The following COG5 variants were observed in gnomAD, a reference collection of about 807,000 sequenced individuals.
COG5 encodes the protein conserved oligomeric Golgi complex subunit 5.
COG5 carries 86 observed loss-of-function variants against 110.4 expected under a neutral mutation model. That is an observed-to-expected ratio of 0.78 (90% confidence interval 0.65 to 0.93). The LOEUF (loss-of-function observed/expected upper bound fraction) is 0.93, where lower values mean the gene tolerates loss of function less well. Among genes scored for constraint, COG5 ranks in the 40% least tolerant of loss-of-function variants. COG5 has a pLI of 0.00. For synonymous variants in COG5, 360 were observed against 334.6 expected (o/e 1.08, Z -0.83); for missense variants, 1,077 against 987.0 (o/e 1.09, Z -1.22).
At chr7:107,356,117 T>C (rs1812604890) in intron 10 of COG5, among the ~76,000 whole-genome samples, 2 of 152,190 alleles carry the variant, frequency 1.3e-5, no homozygotes, top group African/African-American at 4.8e-5. Context: ...AGGACAATAA[T>C]TATAAAAATT....
chr7:107,409,025 G>C (rs1282704202), intron 7 of COG5, among the ~76,000 whole-genome samples: 1 of 151,934 alleles, frequency 6.6e-6, no homozygotes, highest in African/African-American at 2.4e-5. Flanking sequence ...CCTGCAGGCA[G>C]GGCAGGAAGC....
chr7:107,394,608 C>T (rs974296010), intron 7 of COG5, among the ~76,000 whole-genome samples: 4 of 152,108 alleles, frequency 2.6e-5, no homozygotes, highest in Non-Finnish European at 5.9e-5. Context: ...AAATAGCAAG[C>T]AATATTTTAG....
chr7:107,223,449 T>G (rs1328275696), intron 19 of COG5, among the ~76,000 whole-genome samples: 1 of 152,196 alleles, frequency 6.6e-6, no homozygotes, highest in African/African-American at 2.4e-5. Flanking sequence ...CTAGATTGTC[T>G]ATACCAGCAG....
intron 10 of COG5, among the ~76,000 whole-genome samples, chr7:107,356,988 T>C (rs781135879): frequency 1.1e-4 from 16 of 152,246 alleles, no homozygotes; most frequent in Middle Eastern, 6.8e-3. Context: ...CATATATCAC[T>C]CTTCAGTGAC....
rs1798435375 is a variant in COG5, at chr7:107,202,752, T to TG, written c.*763dup. 6.6e-6 allele frequency: 1 copy of TG among 152,168 alleles called. No individual in the cohort carries two copies. The highest frequency in any genetic ancestry group is 1.5e-5 in the Non-Finnish European group (1 of 68,038). The allele number at this position is 152,168 out of a possible 1,614,324, so 9.4% of individuals were successfully genotyped here. ...AGATTATCTACTATTTATAGAGAAT[T>TG]GCTATACAATAAAAATTTTTATTTT... On this transcript the variant is annotated 3_prime_UTR_variant, in exon 22 of 22. Transcript: ENST00000297135.
At chr7:107,331,842 T>C (rs1227243496) in intron 10 of COG5, among the ~76,000 whole-genome samples, 1 of 93,552 alleles carries the variant, frequency 1.1e-5, no homozygotes, top group Non-Finnish European at 2.5e-5. Flanking sequence ...GCTTGCCTCT[T>C]TTTTTTTTTT....
intron 14 of COG5, among the ~76,000 whole-genome samples, chr7:107,260,246 A>G (rs1183936417): frequency 6.6e-6 from 1 of 152,150 alleles, no homozygotes; most frequent in African/African-American, 2.4e-5. Flanking sequence ...TAGCAACACA[A>G]AGAAATAAAG....
chr7:107,245,805 T>C (rs1433413235), intron 17 of COG5, among the ~76,000 whole-genome samples: 1 of 152,180 alleles, frequency 6.6e-6, no homozygotes, highest in Non-Finnish European at 1.5e-5. Flanking sequence ...AATCTTCAGA[T>C]TCAATGCTAT....
In COG5 at chr7:107,558,215, C is replaced by A. The variant is rs554525882; in HGVS notation, c.95-100G>T. On this transcript the variant is annotated intron_variant, in intron 1 of 21. Coordinates refer to ENST00000297135, the MANE Select transcript of COG5 (RefSeq NM_006348.5). ...ATAATCATAATTAACATATTTTGAT[C>A]CCATACTCTGAACCACTCCACTATA... 1.0e-3 allele frequency: 1,267 copies of A among 1,254,840 alleles called. 2 individuals are homozygous for A. The highest frequency in any genetic ancestry group is 1.4e-3 in the Non-Finnish European group (1,193 of 878,452). The allele number at this position is 1,254,840 out of a possible 1,614,324, so 77.7% of individuals were successfully genotyped here. A position where few individuals can be genotyped will look rare whatever the true frequency, so the allele number is the denominator to read the frequency against.
intron 10 of COG5, among the ~76,000 whole-genome samples, chr7:107,348,727 A>C (rs1811860032): frequency 6.6e-6 from 1 of 152,150 alleles, no homozygotes; most frequent in Non-Finnish European, 1.5e-5. Flanking sequence ...TACCATCTTC[A>C]TTTTATGTGT....
intron 14 of COG5, among the ~76,000 whole-genome samples, chr7:107,261,709 C>T (rs1803367129): frequency 6.6e-6 from 1 of 152,148 alleles, no homozygotes; most frequent in South Asian, 2.1e-4. Flanking sequence ...TACTCCAACT[C>T]ATTTATCTTC....
At chr7:107,408,905 G>A (rs1444352748) in intron 7 of COG5, among the ~76,000 whole-genome samples, 1 of 151,998 alleles carries the variant, frequency 6.6e-6, no homozygotes, top group Non-Finnish European at 1.5e-5. Flanking sequence ...CTCAGATTAT[G>A]GTCTTTTTCT....
chr7:107,412,422 A>G, intron 7 of COG5, 80 bp downstream of exon 7: 1 of 1,323,170 alleles, frequency 7.6e-7, no homozygotes, highest in Non-Finnish European at 1.1e-6. Context: ...GACATATATT[A>G]CTTTTTTGAA....
intron 7 of COG5, among the ~76,000 whole-genome samples, chr7:107,385,216 C>A (rs575675910): frequency 6.6e-6 from 1 of 152,294 alleles, no homozygotes; most frequent in Non-Finnish European, 1.5e-5. Context: ...TTGATGGGAA[C>A]CACCAGAACC....
intron 6 of COG5, among the ~76,000 whole-genome samples, chr7:107,414,063 C>T (rs905141071): frequency 1.3e-5 from 2 of 152,134 alleles, no homozygotes; most frequent in Non-Finnish European, 2.9e-5. Context: ...GATATTCTTC[C>T]AATTTGCACA....
intron 16 of COG5, among the ~76,000 whole-genome samples, chr7:107,250,692 T>TAA (rs201671762): frequency 6.6e-6 from 1 of 150,964 alleles, no homozygotes; most frequent in Non-Finnish European, 1.5e-5. Context: ...AATGAAAATG[T>TAA]AAAAAAAAAG....
intron 6 of COG5, among the ~76,000 whole-genome samples, chr7:107,431,830 A>G (rs1794046331): frequency 6.6e-6 from 1 of 151,784 alleles, no homozygotes; most frequent in Non-Finnish European, 1.5e-5. Context: ...TAATTTTTTT[A>G]TTTTTTGTAG....
chr7:107,492,678 T>C (rs1361607533), intron 6 of COG5, among the ~76,000 whole-genome samples: 1 of 152,146 alleles, frequency 6.6e-6, no homozygotes, highest in African/African-American at 2.4e-5. Flanking sequence ...AATCAAGTAC[T>C]TCTCATGCTT....
intron 1 of COG5, among the ~76,000 whole-genome samples, chr7:107,559,800 A>G (rs1803630317): frequency 6.6e-6 from 1 of 152,252 alleles, no homozygotes; most frequent in African/African-American, 2.4e-5. Context: ...GGGAAGGTTT[A>G]GCAGTGGCAA....
Sources: gnomAD v4.1 joint callset for allele counts (sites outside exome capture counted in the v4.1 genomes callset) on GRCh38, gnomAD v4.1.1 for gene constraint, MANE v1.5 for transcripts, NCBI Gene and HGNC (gene_info 2026-07-23, HGNC 2026-07-21) for gene names.